COQ8A: variants seen among roughly 807,000 people sequenced by gnomAD.
The protein encoded by COQ8A is coenzyme Q8A.
A neutral mutation model predicts 65.0 loss-of-function variants in COQ8A; 51 were observed. The ratio of observed to expected loss-of-function variants is 0.78; its 90% CI spans 0.63 to 0.99. The LOEUF (loss-of-function observed/expected upper bound fraction) is 0.99. Among genes scored for constraint, COQ8A ranks in the 50% least tolerant of loss-of-function variants. COQ8A has a pLI of 0.00. For missense variants in COQ8A, 940 were observed against 875.0 expected, an observed-to-expected ratio of 1.07 and a Z score of -0.94; for synonymous variants, 371 against 353.2, an observed-to-expected ratio of 1.05 and a Z score of -0.57.
At chr1:226,979,867 C>G (rs973450903) in intron 5 of COQ8A, among the ~76,000 whole-genome samples, 7 of 152,194 alleles carry the variant, frequency 4.6e-5, no homozygotes, top group African/African-American at 1.7e-4. Flanking sequence ...CTGGGTTTCT[C>G]TGGAAGGAGA....
At chr1:226,955,839 T>C (rs1572029423) in intron 1 of COQ8A, among the ~76,000 whole-genome samples, 1 of 85,758 alleles carries the variant, frequency 1.2e-5, no homozygotes, top group African/African-American at 5.2e-5. Flanking sequence ...CACTCCCTGG[T>C]TCACACTCTC....
Position 226,956,324 on chromosome 1 carries a change from C to T in COQ8A, c.-9-5053C>T, listed in dbSNP as rs1366278398. Among the ~76,000 whole-genome samples, 2 of 130,024 alleles carry T rather than the reference C, an allele frequency of 1.5e-5. 1 individual carries two copies. Among genetic ancestry groups the T allele is most frequent in the Non-Finnish European group, 3.2e-5 (2 of 63,316 alleles). 85.3% of individuals were successfully genotyped at this position (130,024 alleles called of 152,430 possible). On this transcript the variant is annotated intron_variant, in intron 1 of 14. Coordinates refer to ENST00000366777, the MANE Select transcript of COQ8A (RefSeq NM_020247.5). ...CACACTCTCCCTGGCTCTCACTCTC[C>T]CTGGTTCACACTCTCCCTGGCTCCC...
intron 14 of COQ8A, 21 bp downstream of exon 14, chr1:226,985,361 T>A: frequency 6.2e-7 from 1 of 1,611,888 alleles, no homozygotes; most frequent in South Asian, 1.1e-5. Flanking sequence ...TTGCGGGGGA[T>A]CCCCTGGGCC....
Position 226,961,357 on chromosome 1 carries a change from C to T in COQ8A, c.-9-20C>T, listed in dbSNP as rs753136928. On this transcript the variant is annotated intron_variant, in intron 1 of 14. Transcript: ENST00000366777. Reference sequence around the variant, plus strand: ...TGCAGAGGCCTGGGGCCTCCCCTGACTTGGCCTCCTCTCTTCCAGCCCTGA... The same window carrying T: ...TGCAGAGGCCTGGGGCCTCCCCTGATTTGGCCTCCTCTCTTCCAGCCCTGA... 1 of 1,613,176 alleles carries T rather than the reference C, an allele frequency of 6.2e-7. No homozygotes were observed. Among genetic ancestry groups the T allele is most frequent in the Non-Finnish European group, 8.5e-7 (1 of 1,179,946 alleles).
At chr1:226,952,034 T>C (rs1657420014) in intron 1 of COQ8A, among the ~76,000 whole-genome samples, 1 of 152,234 alleles carries the variant, frequency 6.6e-6, no homozygotes. Flanking sequence ...ATCCTGTTTT[T>C]TTGAGGATCG....
chr1:226,983,119 C>G, intron 8 of COQ8A, 85 bp downstream of exon 8: 1 of 1,499,478 alleles, frequency 6.7e-7, no homozygotes. Flanking sequence ...CCTCTACACC[C>G]CACGTCCCGC....
intron 4 of COQ8A, among the ~76,000 whole-genome samples, chr1:226,976,519 T>G (rs949365302): frequency 1.3e-5 from 2 of 152,194 alleles, no homozygotes; most frequent in African/African-American, 2.4e-5. Flanking sequence ...GTCTCAGCCC[T>G]GCCGGCCATG....
At position 226,972,503 on chromosome 1, in the gene COQ8A, T is replaced by G. The variant is rs1658963993; in HGVS notation, c.656-4946T>G. Among the ~76,000 whole-genome samples, 1 of 152,130 alleles carries G rather than the reference T, an allele frequency of 6.6e-6. No individual in the cohort carries two copies. The highest frequency in any genetic ancestry group is 2.4e-5 in the African/African-American group (1 of 41,422). The stretch of plus-strand genomic sequence containing the variant: ...GGTCCCTTACTCCCAGAAAAATACT[T>G]TGCTTTTAAATATAGCTTATGAGAC... On this transcript the variant is annotated intron_variant, in intron 4 of 14. Transcript: ENST00000366777. This position sits in a 1 kb window ranked among gnomAD's most constrained non-coding sequence, Gnocchi z 4.3.
chr1:226,983,631 A>T lies in COQ8A; in HGVS notation c.1160A>T (p.Glu387Val), dbSNP rs1659855311. 1 of 1,613,788 alleles carries T rather than the reference A, an allele frequency of 6.2e-7. No individual in the cohort carries two copies. The highest frequency in any genetic ancestry group is 1.3e-5 in the African/African-American group (1 of 74,926). Residue 387 changes from glutamate to valine, a missense_variant and splice_region_variant, in exon 9 of 15, where the codon GAA (glutamate) becomes GTA (valine). Transcript: ENST00000366777. ...AVLNMSNMLP[E>V]GLFPEHLIDV... ...TTGAACATGAGCAACATGCTTCCAG[A>T]AGGTCTGAGGCTAGGTGGTTGGGTC...
At chr1:226,945,778 C>T (rs1657000433) in intron 1 of COQ8A, among the ~76,000 whole-genome samples, 1 of 152,224 alleles carries the variant, frequency 6.6e-6, no homozygotes, top group Admixed American at 6.5e-5. Flanking sequence ...TTCCCTCAGT[C>T]TTAGACAGGG....
intron 8 of COQ8A, 178 bp from the exon 9 acceptor site, chr1:226,983,374 C>T (rs559988833): frequency 1.1e-4 from 78 of 700,264 alleles, no homozygotes; most frequent in South Asian, 8.5e-4. Flanking sequence ...AGGTGGACAA[C>T]GAGGCTGTGA....
At chr1:226,977,841 C>G (rs971537753) in intron 5 of COQ8A, among the ~76,000 whole-genome samples, 7 of 151,724 alleles carry the variant, frequency 4.6e-5, no homozygotes, top group African/African-American at 1.7e-4. Flanking sequence ...CCACTGAACA[C>G]CCACACACAA....
chr1:226,973,849 A>G (rs564112698), intron 4 of COQ8A, among the ~76,000 whole-genome samples: 1 of 152,324 alleles, frequency 6.6e-6, no homozygotes, highest in South Asian at 2.1e-4. Flanking sequence ...GGCTTAGCGC[A>G]GCGCCTGGTT....
chr1:226,946,138 C>T lies in COQ8A; in HGVS notation c.-10+5739C>T, dbSNP rs1334500250. On this transcript the variant is annotated intron_variant, in intron 1 of 14. Coordinates refer to ENST00000366777, the MANE Select transcript of COQ8A (RefSeq NM_020247.5). This position sits in a 1 kb window ranked among gnomAD's most constrained non-coding sequence, Gnocchi z 5.3. The stretch of plus-strand genomic sequence containing the variant: ...ACAGTGCCAGACCCCGTTGGGGGTA[C>T]AGAACTGGGAAAGAGAGGGCCCCTC... Among the ~76,000 whole-genome samples, 1 of 152,126 alleles carries T rather than the reference C, an allele frequency of 6.6e-6. No homozygotes were observed. Among genetic ancestry groups the T allele is most frequent in the Non-Finnish European group, 1.5e-5 (1 of 68,028 alleles).
chr1:226,979,173 G>A (rs1659541552), intron 5 of COQ8A, among the ~76,000 whole-genome samples: 1 of 152,252 alleles, frequency 6.6e-6, no homozygotes, highest in South Asian at 2.1e-4. Flanking sequence ...GGGTCAGGCA[G>A]GTGGTCAGGT....
At chr1:226,962,637 A>T (rs1285668648) in intron 2 of COQ8A, among the ~76,000 whole-genome samples, 13 of 152,216 alleles carry the variant, frequency 8.5e-5, no homozygotes, top group Admixed American at 8.5e-4. Flanking sequence ...GCCCTCCTGC[A>T]GGCTGTGAGG....
chr1:226,965,648 G>T (rs781160424), intron 3 of COQ8A, 23 bp from the exon 4 acceptor site: 2 of 1,613,708 alleles, frequency 1.2e-6, no homozygotes, highest in South Asian at 2.2e-5. Flanking sequence ...GATTCCACAG[G>T]TCTCTTTCTC....
intron 5 of COQ8A, among the ~76,000 whole-genome samples, chr1:226,979,825 C>T (rs1210981294): frequency 6.6e-6 from 1 of 152,166 alleles, no homozygotes; most frequent in African/African-American, 2.4e-5. Flanking sequence ...GTATTTTTAG[C>T]GTTGGTGCTG....
In COQ8A at chr1:226,984,228, G is replaced by A. The variant is rs746073593; in HGVS notation, c.1391G>A (p.Arg464Gln). 54 of 1,613,492 alleles carry A rather than the reference G, an allele frequency of 3.3e-5. No individual in the cohort carries two copies. The highest frequency in any genetic ancestry group is 6.7e-5 in the East Asian group (3 of 44,894). The part of the protein sequence containing the change: ...DQAEGLSQEI[R>Q]NEICYNILVL... ...GCCGAAGGGCTCAGCCAGGAGATTC[G>A]GAACGAGGTTTGTCTGTGCCAGCAG... The change falls in exon 11 of 15, where the codon CGG (arginine) becomes CAG (glutamine). Residue 464 changes from arginine (R) to glutamine (Q), a missense_variant. By Grantham distance (43) the Arg-to-Gln change is conservative (BLOSUM62 1). Coordinates refer to ENST00000366777, the MANE Select transcript of COQ8A (RefSeq NM_020247.5).
Sources: gnomAD v4.1 joint callset for allele counts (sites outside exome capture counted in the v4.1 genomes callset) on GRCh38, gnomAD v4.1.1 for gene constraint, Gnocchi (gnomAD v3.1) non-coding constraint, MANE v1.5 for transcripts, NCBI Gene and HGNC (gene_info 2026-07-23, HGNC 2026-07-21) for gene names.